The following SGK3 variants were observed in gnomAD, a reference collection of about 807,000 sequenced individuals.
SGK3 encodes serum/glucocorticoid regulated kinase family member 3, also known as serine/threonine-protein kinase Sgk3.
In SGK3, 47 loss-of-function variants were observed where a neutral mutation model predicts 68.5. That is an observed-to-expected ratio of 0.69 (90% CI 0.54 to 0.87). The LOEUF is 0.87. Among genes scored for constraint, SGK3 ranks in the 40% least tolerant of loss-of-function variants. The pLI is 0.00. For missense variants in SGK3, 479 were observed against 575.5 expected (o/e 0.83, Z 1.72); for synonymous variants, 181 against 189.1 (o/e 0.96, Z 0.35).
intron 1 of SGK3, among the ~76,000 whole-genome samples, chr8:66,740,123 A>G (rs1166012026): frequency 6.6e-6 from 1 of 152,168 alleles, no homozygotes; most frequent in East Asian, 1.9e-4. Flanking sequence ...TTTGTACCAG[A>G]ATTATCTCTT....
intron 3 of SGK3, among the ~76,000 whole-genome samples, chr8:66,803,586 A>T (rs1308115326): frequency 6.6e-6 from 1 of 152,070 alleles, no homozygotes; most frequent in Non-Finnish European, 1.5e-5. Flanking sequence ...AACTGCCCCA[A>T]ATTTAATTTC....
In SGK3 at chr8:66,820,709, T is replaced by G. The variant is rs529550819; in HGVS notation, c.330-1663T>G. Among the ~76,000 whole-genome samples the G allele has an allele frequency of 3.5e-5, 5 of 142,702 alleles. No individual in the cohort carries two copies. In the South Asian group the frequency reaches 1.1e-3, roughly 31 times the overall value. The allele number at this position is 142,702 out of a possible 152,430, so 93.6% of individuals were successfully genotyped here. On this transcript the variant is annotated intron_variant, in intron 5 of 16. Transcript: ENST00000521198. ...TATTTTTATTTTTTTCCTATTTTGT[T>G]TATTTATTTTTAGAGACAAGTTGTT...
chr8:66,796,293 C>CG (rs1370302694), intron 2 of SGK3, among the ~76,000 whole-genome samples: 1 of 148,206 alleles, frequency 6.7e-6, no homozygotes, highest in Non-Finnish European at 1.5e-5. Context: ...CATGCCACCA[C>CG]GCCCAGCTAA....
intron 1 of SGK3, among the ~76,000 whole-genome samples, chr8:66,725,732 C>G (rs1408241538): frequency 6.6e-6 from 1 of 152,028 alleles, no homozygotes; most frequent in Admixed American, 6.6e-5. Context: ...TCAGCACTCT[C>G]AAATGCTGTG....
intron 1 of SGK3, among the ~76,000 whole-genome samples, chr8:66,746,002 G>C (rs914524539): frequency 6.6e-6 from 1 of 152,264 alleles, no homozygotes; most frequent in Admixed American, 6.5e-5. Context: ...AAACGTTCAA[G>C]CCATAGCAGA....
intron 5 of SGK3, among the ~76,000 whole-genome samples, chr8:66,820,363 C>T (rs896584292): frequency 6.6e-6 from 1 of 152,118 alleles, no homozygotes; most frequent in Non-Finnish European, 1.5e-5. Flanking sequence ...GCTTCATTCA[C>T]GTTATAGCAT....
chr8:66,766,945 G>T (rs193300905), intron 1 of SGK3, among the ~76,000 whole-genome samples: 6 of 152,122 alleles, frequency 3.9e-5, no homozygotes, highest in Non-Finnish European at 8.8e-5. Flanking sequence ...TCTGCCTCCC[G>T]GGTTCAAGCA....
At chr8:66,760,523 ACAGGGTTTCAC>A (rs1806133563) in intron 1 of SGK3, among the ~76,000 whole-genome samples, 1 of 151,442 alleles carries the variant, frequency 6.6e-6, no homozygotes, top group Admixed American at 6.6e-5. Flanking sequence ...TTTAGTAGAG[ACAGGGTTTCAC>A]CATGTTAGCC....
intron 1 of SGK3, among the ~76,000 whole-genome samples, chr8:66,716,386 T>G (rs556936483): frequency 1.2e-4 from 19 of 152,306 alleles, no homozygotes; most frequent in Non-Finnish European, 2.5e-4. Context: ...ATTGGCTGTC[T>G]GAAGCTGAGC....
chr8:66,799,715 A>G lies in SGK3; in HGVS notation c.180+1090A>G, dbSNP rs573726172. ...TGGCTCACTGCAACCTCTGCCTCCCATGTTCAAGTGATTCTCGTGCCTCAG... is the reference window on the plus strand; with the variant it reads ...TGGCTCACTGCAACCTCTGCCTCCCGTGTTCAAGTGATTCTCGTGCCTCAG... On this transcript the variant is annotated intron_variant, in intron 3 of 16. Coordinates refer to ENST00000521198, the MANE Select transcript of SGK3 (RefSeq NM_001033578.3). 5.3e-5 allele frequency among the ~76,000 whole-genome samples: 8 copies of G among 152,236 alleles called. No homozygotes were observed. In the East Asian group the frequency reaches 1.6e-3, roughly 30 times the overall value.
chr8:66,829,715 C>CA (rs1809220373), intron 7 of SGK3, among the ~76,000 whole-genome samples: 1 of 152,108 alleles, frequency 6.6e-6, no homozygotes, highest in South Asian at 2.1e-4. Context: ...GAGGAGAGGA[C>CA]AGCGGGTAGA....
At chr8:66,830,449 T>C (rs1466773142) in intron 7 of SGK3, among the ~76,000 whole-genome samples, 1 of 152,226 alleles carries the variant, frequency 6.6e-6, no homozygotes, top group African/African-American at 2.4e-5. Context: ...GAATTAACGA[T>C]TTTTTGATGA....
chr8:66,767,656 A>C, intron 1 of SGK3: 1 of 1,390,402 alleles, frequency 7.2e-7, no homozygotes, highest in African/African-American at 1.4e-5. Context: ...GAAGGGAAAT[A>C]ATTTTTCTAT....
chr8:66,858,667 T>A (rs1313858265), intron 16 of SGK3, among the ~76,000 whole-genome samples: 1 of 152,286 alleles, frequency 6.6e-6, no homozygotes, highest in South Asian at 2.1e-4. Context: ...GAACCTTAAC[T>A]GTTAGAATAA....
intron 1 of SGK3, among the ~76,000 whole-genome samples, chr8:66,779,085 AC>A (rs1159222092): frequency 2.0e-5 from 3 of 152,130 alleles, no homozygotes; most frequent in East Asian, 3.9e-4. Flanking sequence ...AAAACTTCAT[AC>A]CTTTTTCCTG....
intron 1 of SGK3, among the ~76,000 whole-genome samples, chr8:66,759,037 CCT>C (rs1806071064): frequency 6.6e-6 from 1 of 151,746 alleles, no homozygotes; most frequent in South Asian, 2.1e-4. Context: ...TGGCCCTCTG[CCT>C]CTGTCTTAAT....
intron 2 of SGK3, among the ~76,000 whole-genome samples, chr8:66,798,181 A>G (rs1807779320): frequency 6.6e-6 from 1 of 151,612 alleles, no homozygotes; most frequent in South Asian, 2.1e-4. Context: ...CTAATTTTTA[A>G]ATTTTTTGTA....
chr8:66,750,192 C>T lies in SGK3; in HGVS notation c.-122+37359C>T, dbSNP rs149497647. ...ATGGCTATCATGATAGTCAACTTTG[C>T]GATTAGTGTTTATTGCCAATGCTGT... On this transcript the variant is annotated intron_variant, in intron 1 of 16. Transcript: ENST00000521198. 4.3e-3 allele frequency among the ~76,000 whole-genome samples: 647 copies of T among 152,076 alleles called. 5 individuals carry two copies. The highest frequency in any genetic ancestry group is 0.015 in the African/African-American group (613 of 41,474).
In SGK3 at chr8:66,859,668, A is replaced by G. The variant is rs1810681342; in HGVS notation, c.*87A>G. On this transcript the variant is annotated 3_prime_UTR_variant, in exon 17 of 17. Transcript: ENST00000521198. ...TTTGTGTGAATATATTCAAATATGT[A>G]TAACTAGTGCCTCATTTTTATATGT... 3 of 1,344,532 alleles carry G rather than the reference A, an allele frequency of 2.2e-6. No homozygotes were observed. The highest frequency in any genetic ancestry group is 2.9e-5 in the African/African-American group (2 of 68,934). 83.3% of individuals were successfully genotyped at this position (1,344,532 alleles called of 1,614,324 possible).
Sources: allele counts gnomAD v4.1 joint callset (sites outside exome capture counted in the v4.1 genomes callset), GRCh38; gene constraint gnomAD v4.1.1; transcripts MANE v1.5; gene names NCBI Gene and HGNC (gene_info 2026-07-23, HGNC 2026-07-21).